Variants in MAP2K6 observed in about 807,000 individuals in gnomAD.
MAP2K6 encodes dual specificity mitogen-activated protein kinase kinase 6.
MAP2K6 carries 16 observed loss-of-function variants against 53.7 expected under a neutral mutation model. The ratio of observed to expected loss-of-function variants is 0.30; its 90% CI spans 0.20 to 0.45. The LOEUF is 0.45. Ranked by LOEUF, MAP2K6 falls within the 20% of genes least tolerant of loss-of-function variation. The pLI is 1.00. For missense variants in MAP2K6, 204 were observed against 411.9 expected (o/e 0.50, Z 4.37); for synonymous variants, 132 against 143.1 (o/e 0.92, Z 0.55).
At chr17:69,471,539 G>A (rs1434415606) in intron 1 of MAP2K6, among the ~76,000 whole-genome samples, 1 of 152,178 alleles carries the variant, frequency 6.6e-6, no homozygotes. Context: ...AAGTGGGTAA[G>A]GATTAAAAAT....
chr17:69,503,750 CT>C (rs1909298725), intron 1 of MAP2K6, among the ~76,000 whole-genome samples: 2 of 152,080 alleles, frequency 1.3e-5, no homozygotes, highest in South Asian at 4.1e-4. Context: ...GATTGTTTCC[CT>C]AAATGAATCT....
intron 1 of MAP2K6, chr17:69,435,257 G>T (rs925770828): frequency 6.6e-6 from 1 of 152,174 alleles, no homozygotes; most frequent in Non-Finnish European, 1.5e-5. Flanking sequence ...TGTAAATGCG[G>T]CCAGGCGCCG....
At chr17:69,476,931 G>A (rs1044395733) in intron 1 of MAP2K6, among the ~76,000 whole-genome samples, 7 of 152,186 alleles carry the variant, frequency 4.6e-5, no homozygotes, top group African/African-American at 1.7e-4. Context: ...TGGGCCCATT[G>A]TGCTAGCACT....
chr17:69,451,009 G>A (rs1337697074), intron 1 of MAP2K6, among the ~76,000 whole-genome samples: 1 of 152,152 alleles, frequency 6.6e-6, no homozygotes, highest in African/African-American at 2.4e-5. Context: ...GAGTAGGTTT[G>A]CATGAGTCAG....
intron 1 of MAP2K6, chr17:69,434,272 C>T (rs1906567242): frequency 6.6e-6 from 1 of 152,224 alleles, no homozygotes; most frequent in Non-Finnish European, 1.5e-5. Context: ...CCAACTTGCA[C>T]TTGCCTCTGT....
At chr17:69,527,508 T>G (rs1910835819) in intron 10 of MAP2K6, among the ~76,000 whole-genome samples, 1 of 152,204 alleles carries the variant, frequency 6.6e-6, no homozygotes, top group African/African-American at 2.4e-5. Context: ...ATCCAGTAAT[T>G]TCTATCTGCA....
In MAP2K6 at chr17:69,460,008, T is replaced by C. The variant is rs1198689978; in HGVS notation, c.16+45008T>C. Among the ~76,000 whole-genome samples the C allele has an allele frequency of 3.3e-5, 5 of 150,838 alleles. No individual in the cohort carries two copies. In the East Asian group the frequency reaches 9.9e-4, roughly 30 times the overall value. ...TCCCTCCCTCCCTCCCTTTCTTCTT[T>C]CCTTTTTACCCTCCTTCTCTCCCTT... is the stretch of plus-strand genomic sequence containing the variant. On this transcript the variant is annotated intron_variant, in intron 1 of 11. Transcript: ENST00000590474.
intron 11 of MAP2K6, among the ~76,000 whole-genome samples, chr17:69,538,847 ATTTTAGTC>A (rs889032865): frequency 5.3e-5 from 8 of 152,108 alleles, no homozygotes; most frequent in Non-Finnish European, 1.2e-4. Context: ...AATAGTAAGT[ATTTTAGTC>A]TTTGTAGGCT....
chr17:69,484,599 C>T (rs540445243), intron 1 of MAP2K6, among the ~76,000 whole-genome samples: 8 of 151,994 alleles, frequency 5.3e-5, no homozygotes, highest in Admixed American at 6.6e-5. Flanking sequence ...GAATTAAAAA[C>T]GTATGCTCAC....
chr17:69,433,239 A>G (rs1190380535), intron 1 of MAP2K6: 1 of 152,282 alleles, frequency 6.6e-6, no homozygotes, highest in Non-Finnish European at 1.5e-5. Flanking sequence ...TGCAGCAATT[A>G]TGACCGAGAG....
intron 1 of MAP2K6, among the ~76,000 whole-genome samples, chr17:69,479,537 A>G (rs1018631175): frequency 1.3e-5 from 2 of 152,090 alleles, no homozygotes; most frequent in African/African-American, 4.8e-5. Flanking sequence ...TAAAAAAAAA[A>G]TTCAAAACAC....
At position 69,494,544 on chromosome 17, in the gene MAP2K6, G is replaced by A. The variant is rs1908869969; in HGVS notation, c.17-11236G>A. On this transcript the variant is annotated intron_variant, in intron 1 of 11. Coordinates refer to ENST00000590474, the MANE Select transcript of MAP2K6 (RefSeq NM_002758.4). This position sits in a 1 kb window ranked among gnomAD's most constrained non-coding sequence, Gnocchi z 4.2. ...AAACAAAATGAATGGAGAGCCCCTGGATTAAAAGGGAAATAAGACCCTGTA... is the reference window on the plus strand; with the variant it reads ...AAACAAAATGAATGGAGAGCCCCTGAATTAAAAGGGAAATAAGACCCTGTA... Among the ~76,000 whole-genome samples, 1 of 151,934 alleles carries A rather than the reference G, an allele frequency of 6.6e-6. No homozygotes were observed. Among genetic ancestry groups the A allele is most frequent in the Non-Finnish European group, 1.5e-5 (1 of 67,978 alleles).
intron 1 of MAP2K6, among the ~76,000 whole-genome samples, chr17:69,451,763 G>C (rs1239737435): frequency 6.6e-6 from 1 of 152,166 alleles, no homozygotes; most frequent in Non-Finnish European, 1.5e-5. Context: ...AGCATGACTG[G>C]ATACAGGCTG....
intron 1 of MAP2K6, among the ~76,000 whole-genome samples, chr17:69,450,454 G>A (rs1485649534): frequency 6.6e-6 from 1 of 152,204 alleles, no homozygotes; most frequent in Non-Finnish European, 1.5e-5. Context: ...CCTTGGACCA[G>A]CAAAAATTGC....
chr17:69,462,227 C>T (rs957661000), intron 1 of MAP2K6, among the ~76,000 whole-genome samples: 4 of 152,110 alleles, frequency 2.6e-5, no homozygotes, highest in African/African-American at 9.7e-5. Flanking sequence ...CCTCAGTTAG[C>T]AGGGGACAGG....
intron 10 of MAP2K6, among the ~76,000 whole-genome samples, chr17:69,533,013 C>T (rs1262418713): frequency 6.6e-6 from 1 of 152,162 alleles, no homozygotes; most frequent in East Asian, 1.9e-4. Flanking sequence ...ACTGCAACCT[C>T]CGCCTCCCAG....
Position 69,516,930 on chromosome 17 carries a change from A to G in MAP2K6, c.132+27A>G, listed in dbSNP as rs374608753. The G allele has an allele frequency of 2.4e-5, 37 of 1,531,696 alleles. No homozygotes were observed. In the African/African-American group the frequency reaches 5.1e-4, roughly 21 times the overall value. The allele number at this position is 1,531,696 out of a possible 1,614,324, so 94.9% of individuals were successfully genotyped here. A position where few individuals can be genotyped will look rare whatever the true frequency, so the allele number is the denominator to read the frequency against. On this transcript the variant is annotated intron_variant, in intron 3 of 11. Transcript: ENST00000590474. ...TAAGAAAAAATCATGTCTGCCACCTAATACGTTGGCCATTTTATATGTATG... is the reference window on the plus strand; with the variant it reads ...TAAGAAAAAATCATGTCTGCCACCTGATACGTTGGCCATTTTATATGTATG...
chr17:69,441,382 T>TTCTC, intron 1 of MAP2K6, among the ~76,000 whole-genome samples: 2 of 152,350 alleles, frequency 1.3e-5, no homozygotes, highest in Middle Eastern at 6.8e-3. Flanking sequence ...AATTTATTGA[T>TTCTC]TCTCTGCTTT....
intron 2 of MAP2K6, among the ~76,000 whole-genome samples, chr17:69,515,889 C>T (rs890659119): frequency 5.9e-5 from 9 of 152,150 alleles, no homozygotes; most frequent in Non-Finnish European, 1.3e-4. Flanking sequence ...GAATATATGC[C>T]ATTACTATTT....
Sources: gnomAD v4.1 joint callset for allele counts (sites outside exome capture counted in the v4.1 genomes callset) on GRCh38, gnomAD v4.1.1 for gene constraint, Gnocchi (gnomAD v3.1) non-coding constraint, MANE v1.5 for transcripts, NCBI Gene and HGNC (gene_info 2026-07-23, HGNC 2026-07-21) for gene names.